Variants in ST18 observed in about 807,000 individuals in gnomAD.
The protein encoded by ST18 is suppression of tumorigenicity 18 protein.
In ST18, 50 loss-of-function variants were observed where a neutral mutation model predicts 110.0. That is an observed-to-expected ratio of 0.45 (90% CI 0.36 to 0.58). The LOEUF (loss-of-function observed/expected upper bound fraction) is 0.58, where lower values mean the gene tolerates loss of function less well. Ranked by LOEUF, ST18 falls within the 20% of genes least tolerant of loss-of-function variation. The probability of loss-of-function intolerance (pLI) is 0.00; values close to 1 mark genes in which losing one functional copy is unlikely to be tolerated. For missense variants in ST18, 1,306 were observed against 1,280.1 expected, an observed-to-expected ratio of 1.02 and a Z score of -0.31; for synonymous variants, 461 against 452.4, an observed-to-expected ratio of 1.02 and a Z score of -0.24.
chr8:52,346,924 A>G (rs978311453), intron 2 of ST18, among the ~76,000 whole-genome samples: 4 of 152,202 alleles, frequency 2.6e-5, no homozygotes, highest in African/African-American at 9.6e-5. Flanking sequence ...GCAAAGAGAA[A>G]TTCTGTAAAA....
intron 8 of ST18, chr8:52,194,394 A>G (rs2135095375): frequency 7.3e-6 from 1 of 137,124 alleles, no homozygotes; most frequent in Middle Eastern, 3.5e-3. Context: ...CTACACTATA[A>G]TCATCTTCCC....
intron 2 of ST18, among the ~76,000 whole-genome samples, chr8:52,396,457 G>A (rs182130204): frequency 2.0e-4 from 30 of 152,254 alleles, no homozygotes; most frequent in African/African-American, 6.5e-4. Flanking sequence ...CTTTGTAAGA[G>A]TGAATAATAT....
At chr8:52,345,229 A>T (rs1389918872) in intron 2 of ST18, among the ~76,000 whole-genome samples, 1 of 152,182 alleles carries the variant, frequency 6.6e-6, no homozygotes, top group African/African-American at 2.4e-5. Context: ...CTTACTTTTC[A>T]ATTTAAAAGA....
At chr8:52,127,726 A>T (rs900299469) in intron 22 of ST18, among the ~76,000 whole-genome samples, 3 of 152,044 alleles carry the variant, frequency 2.0e-5, no homozygotes, top group African/African-American at 7.2e-5. Flanking sequence ...TATGAAAGAG[A>T]GGCTTTGCTT....
intron 14 of ST18, among the ~76,000 whole-genome samples, chr8:52,160,738 T>C (rs1470020455): frequency 6.6e-6 from 1 of 152,236 alleles, no homozygotes; most frequent in Non-Finnish European, 1.5e-5. Flanking sequence ...TCATACACTA[T>C]ACCATATTTG....
At chr8:52,268,510 T>TCTATCTATCTAA (rs1554799006) in intron 2 of ST18, among the ~76,000 whole-genome samples, 1 of 106,372 alleles carries the variant, frequency 9.4e-6, no homozygotes, top group East Asian at 2.5e-4. Context: ...TATCTATCTA[T>TCTATCTATCTAA]TTATCTATCT....
intron 2 of ST18, among the ~76,000 whole-genome samples, chr8:52,251,605 A>G (rs992880255): frequency 1.0e-5 from 1 of 95,460 alleles, no homozygotes; most frequent in Non-Finnish European, 2.9e-5. Flanking sequence ...CAGTAAAAGG[A>G]AAGACAATGC....
At chr8:52,163,256 G>A (rs936944358) in intron 13 of ST18, among the ~76,000 whole-genome samples, 12 of 152,148 alleles carry the variant, frequency 7.9e-5, no homozygotes, top group South Asian at 2.1e-4. Flanking sequence ...AAGGGAAGCC[G>A]TATCTTGAAA....
At chr8:52,288,569 A>G (rs2095504920) in intron 2 of ST18, among the ~76,000 whole-genome samples, 1 of 151,686 alleles carries the variant, frequency 6.6e-6, no homozygotes, top group Admixed American at 6.6e-5. Context: ...GCGTGGCGGC[A>G]CTCACCTATA....
chr8:52,400,905 T>C (rs1179649763), intron 2 of ST18, among the ~76,000 whole-genome samples: 1 of 152,168 alleles, frequency 6.6e-6, no homozygotes, highest in East Asian at 1.9e-4. Flanking sequence ...TAAATGTACC[T>C]CTACTGGCGA....
intron 2 of ST18, among the ~76,000 whole-genome samples, chr8:52,259,786 T>C (rs2094630013): frequency 2.6e-5 from 4 of 152,194 alleles, no homozygotes; most frequent in African/African-American, 7.2e-5. Flanking sequence ...ACAGACTCCA[T>C]GCTCTTAACC....
intron 2 of ST18, among the ~76,000 whole-genome samples, chr8:52,367,862 AGG>A (rs1030495593): frequency 1.3e-5 from 2 of 152,210 alleles, no homozygotes; most frequent in African/African-American, 2.4e-5. Context: ...CACATCTGGA[AGG>A]GGCAAGCAAA....
At chr8:52,343,598 G>A (rs1177247549) in intron 2 of ST18, among the ~76,000 whole-genome samples, 1 of 152,206 alleles carries the variant, frequency 6.6e-6, no homozygotes, top group African/African-American at 2.4e-5. Context: ...ATAAAGGACA[G>A]AGCAGCTATG....
chr8:52,367,234 T>TCACACACACACACGCA (rs1491543543), intron 2 of ST18, among the ~76,000 whole-genome samples: 1 of 104,492 alleles, frequency 9.6e-6, no homozygotes, highest in South Asian at 3.9e-4. Flanking sequence ...CGGGACCCTG[T>TCACACACACACACGCA]CTCACACACA....
chr8:52,370,285 T>G (rs538672686), intron 2 of ST18, among the ~76,000 whole-genome samples: 111 of 152,020 alleles, frequency 7.3e-4, no homozygotes, highest in Middle Eastern at 3.4e-3. Flanking sequence ...AGCTCTAATA[T>G]GAGAGACACA....
intron 2 of ST18, chr8:52,248,674 A>ATGC (rs2094049508): frequency 6.6e-6 from 1 of 152,196 alleles, no homozygotes; most frequent in South Asian, 2.1e-4. Context: ...CAGCAAGCCA[A>ATGC]TGCTGCTCCA....
At chr8:52,170,466 A>G (rs1241114291) in intron 10 of ST18, among the ~76,000 whole-genome samples, 5 of 150,856 alleles carry the variant, frequency 3.3e-5, no homozygotes, top group Non-Finnish European at 5.9e-5. Context: ...AAATAAATAA[A>G]TAAATAAATA....
chr8:52,352,829 C>A (rs1298620935), intron 2 of ST18, among the ~76,000 whole-genome samples: 1 of 152,196 alleles, frequency 6.6e-6, no homozygotes, highest in Non-Finnish European at 1.5e-5. Context: ...TGCTGAGTTA[C>A]CACCTATATA....
At chr8:52,295,086 T>C (rs1283936130) in intron 2 of ST18, among the ~76,000 whole-genome samples, 2 of 152,252 alleles carry the variant, frequency 1.3e-5, no homozygotes, top group Non-Finnish European at 2.9e-5. Flanking sequence ...ATTCATTTCA[T>C]CACCTCTAGC....
Sources: allele counts gnomAD v4.1 joint callset (sites outside exome capture counted in the v4.1 genomes callset), GRCh38; gene constraint gnomAD v4.1.1; transcripts MANE v1.5; gene names NCBI Gene and HGNC (gene_info 2026-07-23, HGNC 2026-07-21).